Variants in CCR7 observed in about 807,000 individuals in gnomAD.
CCR7 encodes the protein C-C motif chemokine receptor 7.
CCR7 carries 11 observed loss-of-function variants against 26.0 expected under a neutral mutation model. The ratio of observed to expected loss-of-function variants is 0.42; its 90% confidence interval spans 0.27 to 0.70. CCR7 has a LOEUF of 0.70. Among genes scored for constraint, CCR7 ranks in the 30% least tolerant of loss-of-function variants. The probability of loss-of-function intolerance (pLI) is 0.23; values close to 1 mark genes in which losing one functional copy is unlikely to be tolerated. For missense variants in CCR7, 360 were observed against 504.0 expected, an observed-to-expected ratio of 0.71 and a Z score of 2.74; for synonymous variants, 189 against 202.1, an observed-to-expected ratio of 0.94 and a Z score of 0.55.
At chr17:40,562,971 G>A (rs1367137557) in intron 1 of CCR7, among the ~76,000 whole-genome samples, 1 of 152,108 alleles carries the variant, frequency 6.6e-6, no homozygotes, top group African/African-American at 2.4e-5. Context: ...GATGGCAATG[G>A]AGTTTGCCAT....
rs11574665 is a variant in CCR7 at position 40,562,039 on chromosome 17, G to A, written c.11-3097C>T. ...CTCTCAAAAGCCCCATGAGGTAGGC[G>A]CTACTATTATCCCCATTTACCAATG... On this transcript the variant is annotated intron_variant, in intron 1 of 2. Transcript: ENST00000246657. 3.2e-3 allele frequency among the ~76,000 whole-genome samples: 480 copies of A among 152,200 alleles called. 3 individuals are homozygous for A. The highest frequency in any genetic ancestry group is 0.011 in the African/African-American group (459 of 41,480).
In CCR7 at chr17:40,555,368, C is replaced by A; in HGVS notation, c.511G>T (p.Val171Phe). ...CAGGACAGCTTGCTGATGAGAAGGA[C>A]GCGGGCACGGTGGCGGTGAGCTGAG... ...AVSAHRHRAR[V>F]LLISKLSCVG... The change falls in exon 3 of 3, where the codon GTC (valine) becomes TTC (phenylalanine). Residue 171 changes from valine to phenylalanine, a missense_variant. By Grantham distance (50) the Val-to-Phe change is conservative. Transcript: ENST00000246657. The surrounding 1 kb of genome is among the most constrained non-coding windows in gnomAD (Gnocchi z 5.6). 1 of 1,614,112 alleles carries A rather than the reference C, an allele frequency of 6.2e-7. No homozygotes were observed. The highest frequency in any genetic ancestry group is 8.5e-7 in the Non-Finnish European group (1 of 1,180,020).
At chr17:40,561,343 C>G (rs1181188664) in intron 1 of CCR7, among the ~76,000 whole-genome samples, 1 of 152,140 alleles carries the variant, frequency 6.6e-6, no homozygotes, top group African/African-American at 2.4e-5. Context: ...AGAAACATCA[C>G]AGGGAAACTT....
rs2036567725 is a variant in CCR7 at position 40,555,089 on chromosome 17, C to T, written c.790G>A (p.Val264Met). ...AAGACCACGACCACAGCGATGATCA[C>T]CTTGATGGCCTTGTTGCGCTCAAAG... ...RNFERNKAIK[V>M]IIAVVVVFIV... The change falls in exon 3 of 3, where the codon GTG becomes ATG. Residue 264 changes from valine to methionine, a missense_variant. Val to Met is a conservative substitution (Grantham distance 21). Coordinates refer to ENST00000246657, the MANE Select transcript of CCR7 (RefSeq NM_001838.4). The surrounding 1 kb of genome is among the most constrained non-coding windows in gnomAD (Gnocchi z 5.6). 1 of 1,614,180 alleles carries T rather than the reference C, an allele frequency of 6.2e-7. No individual in the cohort carries two copies.
chr17:40,557,702 G>A (rs182426047), intron 2 of CCR7, among the ~76,000 whole-genome samples: 197 of 152,296 alleles, frequency 1.3e-3, no homozygotes, highest in African/African-American at 4.6e-3. Context: ...CCTCTATGAA[G>A]TGCACTCTGC....
At position 40,554,867 on chromosome 17, in the gene CCR7, A is replaced by C. The variant is rs1179893237; in HGVS notation, c.1012T>G (p.Phe338Val). ...FIGVKFRNDL[F>V]KLFKDLGCLS... ...CAGCCCAGGTCCTTGAAGAGCTTGAAGAGATCGTTGCGGAACTTGACGCCG... is the reference window on the plus strand; with the variant it reads ...CAGCCCAGGTCCTTGAAGAGCTTGACGAGATCGTTGCGGAACTTGACGCCG... Residue 338 changes from phenylalanine to valine, a missense_variant, in exon 3 of 3, where the codon TTC becomes GTC. Physicochemically the swap from Phe to Val is conservative, Grantham distance 50. Coordinates refer to ENST00000246657, the MANE Select transcript of CCR7 (RefSeq NM_001838.4). The C allele has an allele frequency of 1.9e-6, 3 of 1,614,230 alleles. No homozygotes were observed. Among genetic ancestry groups the C allele is most frequent in the Non-Finnish European group, 1.7e-6 (2 of 1,180,040 alleles).
At chr17:40,558,629 G>T (rs1336785690) in intron 2 of CCR7, among the ~76,000 whole-genome samples, 2 of 152,208 alleles carry the variant, frequency 1.3e-5, no homozygotes, top group Admixed American at 6.5e-5. Flanking sequence ...TGGGCAGGGA[G>T]ATTGGAGGTG....
chr17:40,564,800 C>A (rs2036691975), intron 1 of CCR7, among the ~76,000 whole-genome samples: 1 of 152,194 alleles, frequency 6.6e-6, no homozygotes, highest in Non-Finnish European at 1.5e-5. Context: ...CAAGAGGCAA[C>A]AGCAAAGCCA....
Position 40,559,768 on chromosome 17 carries a change from G to T in CCR7, c.11-826C>A, listed in dbSNP as rs572777065. Among the ~76,000 whole-genome samples, 3 of 152,304 alleles carry T rather than the reference G, an allele frequency of 2.0e-5. No homozygotes were observed. The East Asian group carries it at 5.8e-4, about 29-fold the overall frequency. ...TATGAATGATAAATACATGAATGATGAATAAATACATGAATGACAAGTAAA... is the reference window on the plus strand; with the variant it reads ...TATGAATGATAAATACATGAATGATTAATAAATACATGAATGACAAGTAAA... On this transcript the variant is annotated intron_variant, in intron 1 of 2. Coordinates refer to ENST00000246657, the MANE Select transcript of CCR7 (RefSeq NM_001838.4).
At chr17:40,561,407 A>T in intron 1 of CCR7, among the ~76,000 whole-genome samples, 1 of 152,154 alleles carries the variant, frequency 6.6e-6, no homozygotes, top group East Asian at 1.9e-4. Flanking sequence ...CTTGAGTCAG[A>T]TCATCCCTGT....
In CCR7 at chr17:40,565,397, C is replaced by T; in HGVS notation, c.10+3G>A. The T allele has an allele frequency of 6.2e-7, 1 of 1,613,166 alleles. No homozygotes were observed. The highest frequency in any genetic ancestry group is 8.5e-7 in the Non-Finnish European group (1 of 1,179,078). ...TCCTTCTCACATGAAGAGGCTCACTCACCCAGGTCCATGACGCTCTCTGGG... is the reference window on the plus strand; with the variant it reads ...TCCTTCTCACATGAAGAGGCTCACTTACCCAGGTCCATGACGCTCTCTGGG... On this transcript the variant is annotated splice_donor_region_variant and intron_variant, in intron 1 of 2. Coordinates refer to ENST00000246657, the MANE Select transcript of CCR7 (RefSeq NM_001838.4).
rs146456630 is a variant in CCR7 at position 40,555,228 on chromosome 17, C to T, written c.651G>A (p.Val217=). ...CCACCTGGATGGTGATAAAGGCCTC[C>T]ACATGCTCTGTGATGAGAGAGCATC... is the stretch of plus-strand genomic sequence containing the variant. The part of the protein sequence containing the change: ...AMRCSLITEH[V]EAFITIQVAQ... Residue 217 remains valine (V), a synonymous_variant, in exon 3 of 3, where the codon GTG becomes GTA. Transcript: ENST00000246657. This position sits in a 1 kb window ranked among gnomAD's most constrained non-coding sequence, Gnocchi z 5.6. The T allele has an allele frequency of 1.1e-5, 17 of 1,614,036 alleles. No homozygotes were observed. In the African/African-American group the frequency reaches 1.6e-4, roughly 15 times the overall value.
intron 1 of CCR7, among the ~76,000 whole-genome samples, chr17:40,564,252 G>A (rs957840252): frequency 1.3e-5 from 2 of 152,194 alleles, no homozygotes; most frequent in African/African-American, 2.4e-5. Flanking sequence ...CATCCTCAAA[G>A]CACCTGAACC....
intron 2 of CCR7, among the ~76,000 whole-genome samples, chr17:40,557,186 G>A (rs1007328322): frequency 6.6e-6 from 1 of 152,200 alleles, no homozygotes; most frequent in Non-Finnish European, 1.5e-5. Context: ...CGTCTGCAGG[G>A]TCGGGTGAAG....
At chr17:40,556,585 A>G (rs889467891) in intron 2 of CCR7, among the ~76,000 whole-genome samples, 5 of 151,964 alleles carry the variant, frequency 3.3e-5, no homozygotes, top group African/African-American at 1.2e-4. Flanking sequence ...GATGAATCCT[A>G]TTTGCTTCCC....
In CCR7 at chr17:40,554,602, AGGGG is replaced by A. The variant is rs2036556694; in HGVS notation, c.*136_*139del. On this transcript the variant is annotated 3_prime_UTR_variant, in exon 3 of 3. Transcript: ENST00000246657. Reference sequence around the variant, plus strand: ...TTGGGGTGAAGCTATCTTCTGGAGCAGGGGCTTGCACTCTGAGGGGAGAGCTGCT... The same window carrying A: ...TTGGGGTGAAGCTATCTTCTGGAGCACTTGCACTCTGAGGGGAGAGCTGCT... 1.4e-6 allele frequency: 1 copy of A among 697,628 alleles called. No individual in the cohort carries two copies. Among genetic ancestry groups the A allele is most frequent in the African/African-American group, 1.8e-5 (1 of 56,390 alleles). The allele number at this position is 697,628 out of a possible 1,614,324, so 43.2% of individuals were successfully genotyped here.
chr17:40,564,254 A>C (rs2036683550), intron 1 of CCR7, among the ~76,000 whole-genome samples: 1 of 152,198 alleles, frequency 6.6e-6, no homozygotes, highest in African/African-American at 2.4e-5. Flanking sequence ...TCCTCAAAGC[A>C]CCTGAACCTG....
intron 1 of CCR7, among the ~76,000 whole-genome samples, chr17:40,563,685 G>A (rs970502913): frequency 1.3e-5 from 2 of 152,242 alleles, no homozygotes; most frequent in African/African-American, 2.4e-5. Flanking sequence ...AGTATTTCGG[G>A]TTTGACCGTT....
At chr17:40,565,306 G>A (rs1046598738) in intron 1 of CCR7, 94 bp downstream of exon 1, 24 of 1,101,910 alleles carry the variant, frequency 2.2e-5, no homozygotes, top group African/African-American at 3.1e-5. Context: ...ACCCCTATGC[G>A]CTCCACCCGC....
Sources: gnomAD v4.1 joint callset for allele counts (sites outside exome capture counted in the v4.1 genomes callset) on GRCh38, gnomAD v4.1.1 for gene constraint, Gnocchi (gnomAD v3.1) non-coding constraint, MANE v1.5 for transcripts, NCBI Gene and HGNC (gene_info 2026-07-23, HGNC 2026-07-21) for gene names.